ERMP1: variants seen among roughly 807,000 people sequenced by gnomAD.
The protein encoded by ERMP1 is endoplasmic reticulum metallopeptidase 1.
ERMP1 carries 86 observed loss-of-function variants against 92.0 expected under a neutral mutation model. The ratio of observed to expected loss-of-function variants is 0.93; its 90% CI spans 0.79 to 1.12. ERMP1 has a LOEUF of 1.12. Ranked by LOEUF, ERMP1 falls within the 50% of genes most tolerant of loss-of-function variation. The probability of loss-of-function intolerance (pLI) is 0.00; values close to 1 mark genes in which losing one functional copy is unlikely to be tolerated. For missense variants in ERMP1, 1,342 were observed against 1,116.3 expected, an observed-to-expected ratio of 1.20 and a Z score of -2.88; for synonymous variants, 530 against 412.8, an observed-to-expected ratio of 1.28 and a Z score of -3.44.
rs1830016719 is a variant in ERMP1 at position 5,832,917 on chromosome 9, C to G, written c.111G>C (p.Glu37Asp). 1.9e-6 allele frequency: 3 copies of G among 1,561,262 alleles called. No homozygotes were observed. The African/African-American group carries it at 4.2e-5, about 22-fold the overall frequency. ...CGCCGCTGCACCCATCCACCAGAGG[C>G]TCCTGCGCTCGGGCCTCCCTCTCCG... ...PPPEREARAQ[E>D]PLVDGCSGGG... is the part of the protein sequence containing the mutation. The change falls in exon 1 of 15, where the codon GAG becomes GAC. Residue 37 changes from glutamate to aspartate, a missense_variant. Coordinates refer to ENST00000339450, the MANE Select transcript of ERMP1 (RefSeq NM_024896.3).
At position 5,832,942 on chromosome 9, in the gene ERMP1, G is replaced by A; in HGVS notation, c.86C>T (p.Pro29Leu). ...RREGAAAAPP[P>L]EREARAQEPL... ...CTCCTGCGCTCGGGCCTCCCTCTCC[G>A]GCGGTGGCGCGGCCGCCGCTCCCTC... The change falls in exon 1 of 15, where the codon CCG becomes CTG. Residue 29 changes from proline (P) to leucine (L), a missense_variant. Physicochemically the swap from Pro to Leu is moderately conservative, Grantham distance 98. Transcript: ENST00000339450. 5 of 1,561,764 alleles carry A rather than the reference G, an allele frequency of 3.2e-6. No individual in the cohort carries two copies. Among genetic ancestry groups the A allele is most frequent in the Non-Finnish European group, 3.4e-6 (4 of 1,165,294 alleles).
chr9:5,805,357 G>C (rs1586786410), intron 9 of ERMP1, 140 bp from the exon 10 acceptor site: 2 of 697,390 alleles, frequency 2.9e-6, no homozygotes, highest in East Asian at 5.5e-5. Context: ...ATGTTATCTT[G>C]GAGTAGGATC....
rs1262126110 is a variant in ERMP1 at position 5,862,010 on chromosome 9, T to TA, written n.3056-2400_3056-2399insT. Among the ~76,000 whole-genome samples the TA allele has an allele frequency of 1.8e-3, 276 of 151,980 alleles. 2 individuals carry two copies. Among genetic ancestry groups the TA allele is most frequent in the East Asian group, 6.6e-3 (34 of 5,182 alleles). The stretch of plus-strand genomic sequence containing the variant: ...AAAAAATCACATTTTAATTTTTTTT[T>TA]TAAAAAAAGTATGTATGTATGTATG... On this transcript the variant is annotated intron_variant and non_coding_transcript_variant, in intron 5 of 6. Coordinates refer to the ERMP1 transcript ENST00000690753.
intron 6 of ERMP1, among the ~76,000 whole-genome samples, chr9:5,811,764 C>G (rs1264148796): frequency 6.6e-6 from 1 of 152,154 alleles, no homozygotes; most frequent in Non-Finnish European, 1.5e-5. Context: ...AGGCCTTTCA[C>G]GAAGCTCAGA....
At chr9:5,821,980 G>T (rs891028044) in intron 4 of ERMP1, among the ~76,000 whole-genome samples, 1 of 152,186 alleles carries the variant, frequency 6.6e-6, no homozygotes, top group African/African-American at 2.4e-5. Context: ...GAGGCCGGGC[G>T]TGGTGGCTCG....
At chr9:5,811,385 T>A in intron 6 of ERMP1, 62 bp from the exon 7 acceptor site, 2 of 1,273,130 alleles carry the variant, frequency 1.6e-6, no homozygotes. Context: ...CTGAATAAAC[T>A]ATTTGTGATT....
chr9:5,798,987 C>G lies in ERMP1; in HGVS notation c.2089G>C (p.Asp697His), dbSNP rs779349636. Residue 697 changes from aspartate to histidine, a missense_variant, in exon 12 of 15, where the codon GAC (aspartate) becomes CAC (histidine). Coordinates refer to ENST00000339450, the MANE Select transcript of ERMP1 (RefSeq NM_024896.3). ...CGTTTAACTGCATTTCCTTCCAAGT[C>G]ATGGAATGTTCTAGTCATATGCTGA... ...FLQHMTRTFH[D>H]LEGNAVKRDS... 1 of 1,613,332 alleles carries G rather than the reference C, an allele frequency of 6.2e-7. No homozygotes were observed. Among genetic ancestry groups the G allele is most frequent in the South Asian group, 1.1e-5 (1 of 91,034 alleles).
At chr9:5,814,203 C>G (rs1331204716) in intron 4 of ERMP1, among the ~76,000 whole-genome samples, 17 of 151,998 alleles carry the variant, frequency 1.1e-4, no homozygotes, top group Admixed American at 1.1e-3. Context: ...GCCTGGATCC[C>G]AGAATGAATA....
rs949833495 is a variant in ERMP1, at chr9:5,832,753, A to T, written c.275T>A (p.Leu92Gln). 6 of 1,499,368 alleles carry T rather than the reference A, an allele frequency of 4.0e-6. No individual in the cohort carries two copies. The highest frequency in any genetic ancestry group is 5.3e-6 in the Non-Finnish European group (6 of 1,132,830). The allele number at this position is 1,499,368 out of a possible 1,614,324, so 92.9% of individuals were successfully genotyped here. A position where few individuals can be genotyped will look rare whatever the true frequency, so the allele number is the denominator to read the frequency against. Residue 92 changes from leucine (L) to glutamine (Q), a missense_variant, in exon 1 of 15, where the codon CTG becomes CAG. Leu to Gln is a moderately radical substitution (Grantham distance 113). Coordinates refer to ENST00000339450, the MANE Select transcript of ERMP1 (RefSeq NM_024896.3). ...IALRTLVQLSLQQLVLRGAAG... is the reference protein window; with the variant it reads ...IALRTLVQLSQQQLVLRGAAG... ...GGCCCCGCGTAGCACGAGCTGCTGC[A>T]GCGAGAGCTGCACCAGCGTCCGCAG...
chr9:5,864,779 A>T (rs375934805), intron 5 of ERMP1, among the ~76,000 whole-genome samples: 9 of 152,274 alleles, frequency 5.9e-5, no homozygotes, highest in African/African-American at 2.2e-4. Context: ...TCCATTCTGA[A>T]CTTTAGTTAG....
chr9:5,837,246 A>G (rs1220032231), upstream of ERMP1, among the ~76,000 whole-genome samples: 1 of 152,148 alleles, frequency 6.6e-6, no homozygotes, highest in Non-Finnish European at 1.5e-5. Context: ...TAGCCTCCCA[A>G]GTAACTGGTA....
rs1376097185 is a variant in ERMP1 at position 5,786,554 on chromosome 9, G to T, written c.*590C>A. 2.0e-5 allele frequency: 3 copies of T among 153,838 alleles called. No individual in the cohort carries two copies. The highest frequency in any genetic ancestry group is 7.2e-5 in the African/African-American group (3 of 41,456). The allele number at this position is 153,838 out of a possible 1,614,324, so 9.5% of individuals were successfully genotyped here. ...GTCACCAGCTCAGCACAGGGTCCAGGCCTCAGCACAGAGAGACAAAGCACA... is the reference window on the plus strand; with the variant it reads ...GTCACCAGCTCAGCACAGGGTCCAGTCCTCAGCACAGAGAGACAAAGCACA... On this transcript the variant is annotated 3_prime_UTR_variant, in exon 15 of 15. Coordinates refer to ENST00000339450, the MANE Select transcript of ERMP1 (RefSeq NM_024896.3).
intron 2 of ERMP1, among the ~76,000 whole-genome samples, chr9:5,827,782 A>G (rs1312204011): frequency 6.6e-6 from 1 of 151,940 alleles, no homozygotes; most frequent in South Asian, 2.1e-4. Flanking sequence ...GCGCCACTGC[A>G]GTCTGGCGTG....
chr9:5,864,878 T>C (rs943761597), intron 5 of ERMP1, among the ~76,000 whole-genome samples: 35 of 152,204 alleles, frequency 2.3e-4, no homozygotes, highest in Non-Finnish European at 4.1e-4. Context: ...TTAAAATAAA[T>C]GAACTAACAC....
At chr9:5,833,240 G>C (rs866905960), upstream of ERMP1, 7 of 489,788 alleles carry the variant, frequency 1.4e-5, no homozygotes, top group Middle Eastern at 5.1e-4. Context: ...CCAGCAGCGG[G>C]TGGTGGATAT....
At chr9:5,841,942 G>C (rs997045554) in intron 6 of ERMP1, among the ~76,000 whole-genome samples, 2 of 152,140 alleles carry the variant, frequency 1.3e-5, no homozygotes, top group African/African-American at 4.8e-5. Context: ...GAGTGTTACA[G>C]CTCTTAAAGG....
At position 5,785,095 on chromosome 9, in the gene ERMP1, G is replaced by A. The variant is rs1041036540; in HGVS notation, c.*2049C>T. 1 of 152,118 alleles carries A rather than the reference G, an allele frequency of 6.6e-6. No individual in the cohort carries two copies. Among genetic ancestry groups the A allele is most frequent in the African/African-American group, 2.4e-5 (1 of 41,422 alleles). 9.4% of individuals were successfully genotyped at this position (152,118 alleles called of 1,614,324 possible). On this transcript the variant is annotated 3_prime_UTR_variant, in exon 15 of 15. Coordinates refer to ENST00000339450, the MANE Select transcript of ERMP1 (RefSeq NM_024896.3). ...CCTCCCAGAATATTACACAAGCCCT[G>A]AGACTAGTGAGCATCTTACTACTGA...
chr9:5,832,845 G>C lies in ERMP1; in HGVS notation c.183C>G (p.Ser61Arg), dbSNP rs1299061061. 2.0e-6 allele frequency: 3 copies of C among 1,504,130 alleles called. No homozygotes were observed. Among genetic ancestry groups the C allele is most frequent in the South Asian group, 2.5e-5 (2 of 80,396 alleles). 93.2% of individuals were successfully genotyped at this position (1,504,130 alleles called of 1,614,324 possible). A position where few individuals can be genotyped will look rare whatever the true frequency, so the allele number is the denominator to read the frequency against. The stretch of plus-strand genomic sequence containing the variant: ...CAGACAGCCCGGTCCCCGCGCCCCT[G>C]CTCGCGCCGCCGCTACCCCCGGGGC... Reference protein sequence around the residue: ...KRSPGGSGGASRGAGTGLSEV... With the variant: ...KRSPGGSGGARRGAGTGLSEV... Residue 61 changes from serine to arginine, a missense_variant, in exon 1 of 15, where the codon AGC (serine) becomes AGG (arginine). By Grantham distance (110) the Ser-to-Arg change is moderately radical (BLOSUM62 -1). Coordinates refer to ENST00000339450, the MANE Select transcript of ERMP1 (RefSeq NM_024896.3).
At chr9:5,798,415 C>A (rs1828535005) in intron 12 of ERMP1, among the ~76,000 whole-genome samples, 1 of 151,890 alleles carries the variant, frequency 6.6e-6, no homozygotes. Context: ...ACGGTTTCTC[C>A]AGGTTTGTCA....
Sources: gnomAD v4.1 joint callset for allele counts (sites outside exome capture counted in the v4.1 genomes callset) on GRCh38, gnomAD v4.1.1 for gene constraint, MANE v1.5 for transcripts, NCBI Gene and HGNC (gene_info 2026-07-23, HGNC 2026-07-21) for gene names.